CDKAL1: variants seen among roughly 807,000 people sequenced by gnomAD.
CDKAL1 encodes the protein CDKAL1 threonylcarbamoyladenosine tRNA methylthiotransferase.
In CDKAL1, 32 loss-of-function variants were observed where a neutral mutation model predicts 68.2. The observed-to-expected ratio is 0.47, with a 90% CI of 0.35 to 0.63. CDKAL1 has a LOEUF of 0.63. Among genes scored for constraint, CDKAL1 ranks in the 30% least tolerant of loss-of-function variants. CDKAL1 has a pLI of 0.00. For missense variants in CDKAL1, 606 were observed against 696.7 expected, an observed-to-expected ratio of 0.87 and a Z score of 1.47; for synonymous variants, 234 against 244.3, an observed-to-expected ratio of 0.96 and a Z score of 0.39.
intron 8 of CDKAL1, among the ~76,000 whole-genome samples, chr6:20,796,695 G>A (rs1031570374): frequency 1.3e-5 from 2 of 152,102 alleles, no homozygotes; most frequent in African/African-American, 4.8e-5. Flanking sequence ...TGCAAATATG[G>A]GCAGTTGATT....
chr6:21,228,143 C>G (rs961408720), intron 15 of CDKAL1, among the ~76,000 whole-genome samples: 3 of 152,212 alleles, frequency 2.0e-5, no homozygotes, highest in South Asian at 2.1e-4. Flanking sequence ...GCTCGTGTAG[C>G]CAGTTTCGGG....
chr6:20,647,317 A>T (rs1458412470), intron 4 of CDKAL1, among the ~76,000 whole-genome samples: 1 of 152,196 alleles, frequency 6.6e-6, no homozygotes, highest in African/African-American at 2.4e-5. Context: ...CTTGAAGCTC[A>T]TTTCTAACGA....
chr6:20,692,605 A>G (rs979122486), intron 5 of CDKAL1, among the ~76,000 whole-genome samples: 1 of 152,176 alleles, frequency 6.6e-6, no homozygotes, highest in Non-Finnish European at 1.5e-5. Context: ...AAGTGAAATC[A>G]TGGTAGAAAG....
chr6:20,874,245 T>C (rs73372071), intron 9 of CDKAL1, among the ~76,000 whole-genome samples: 1,947 of 152,258 alleles, frequency 0.013, 47 homozygotes, highest in African/African-American at 0.044. Context: ...CATTGGGGGC[T>C]ATTTATCCAT....
At chr6:20,565,270 G>T (rs532197851) in intron 4 of CDKAL1, among the ~76,000 whole-genome samples, 4 of 152,070 alleles carry the variant, frequency 2.6e-5, no homozygotes, top group Non-Finnish European at 5.9e-5. Context: ...AGAAGTCCAA[G>T]ATATAATAAT....
chr6:20,773,550 A>T (rs1489994686), intron 7 of CDKAL1, among the ~76,000 whole-genome samples: 3 of 151,774 alleles, frequency 2.0e-5, no homozygotes, highest in Non-Finnish European at 4.4e-5. Context: ...TTTATTTTTT[A>T]TTTTTATTTT....
In CDKAL1 at chr6:21,069,992, G is replaced by A. The variant is rs138091954; in HGVS notation, c.1236+4764G>A. On this transcript the variant is annotated intron_variant, in intron 12 of 15. Transcript: ENST00000274695. ...TTTTTAGTAGAGTCGAGGTTTCACC[G>A]TGTTAACCAGGATGGTCTCGATCTC... 7.5e-3 allele frequency among the ~76,000 whole-genome samples: 1,132 copies of A among 151,434 alleles called. 13 individuals are homozygous for A. Among genetic ancestry groups the A allele is most frequent in the African/African-American group, 0.024 (985 of 41,290 alleles).
intron 7 of CDKAL1, among the ~76,000 whole-genome samples, chr6:20,768,457 T>A (rs932460324): frequency 6.6e-6 from 1 of 152,222 alleles, no homozygotes; most frequent in African/African-American, 2.4e-5. Context: ...CCGATTTCTA[T>A]ATGCCAGATT....
intron 4 of CDKAL1, among the ~76,000 whole-genome samples, chr6:20,566,078 A>G (rs1764449449): frequency 6.6e-6 from 1 of 152,112 alleles, no homozygotes; most frequent in Non-Finnish European, 1.5e-5. Flanking sequence ...CTCCAACCCC[A>G]TACATACCCT....
intron 4 of CDKAL1, among the ~76,000 whole-genome samples, chr6:20,563,957 AG>A (rs1349731495): frequency 6.6e-6 from 1 of 152,192 alleles, no homozygotes; most frequent in African/African-American, 2.4e-5. Context: ...AGCAATTTTA[AG>A]CCAGCGATGG....
At chr6:20,567,968 C>T (rs903304018) in intron 4 of CDKAL1, among the ~76,000 whole-genome samples, 9 of 152,020 alleles carry the variant, frequency 5.9e-5, no homozygotes, top group African/African-American at 9.7e-5. Flanking sequence ...CTCCTCCTCC[C>T]GGGTTCACGC....
intron 8 of CDKAL1, among the ~76,000 whole-genome samples, chr6:20,811,134 C>T (rs1373637104): frequency 6.6e-6 from 1 of 152,146 alleles, no homozygotes; most frequent in Non-Finnish European, 1.5e-5. Context: ...ATTTTGACTG[C>T]CATGGACAAG....
rs1158727312 is a variant in CDKAL1, at chr6:20,845,101, G to C, written c.639-974G>C. Among the ~76,000 whole-genome samples the C allele has an allele frequency of 3.3e-5, 5 of 152,128 alleles. No individual in the cohort carries two copies. In the East Asian group the frequency reaches 7.7e-4, roughly 23 times the overall value. ...TACAGTGATTCATATGTATCTTAAAGTCACATATTCATAAAATTACACATG... is the reference window on the plus strand; with the variant it reads ...TACAGTGATTCATATGTATCTTAAACTCACATATTCATAAAATTACACATG... On this transcript the variant is annotated intron_variant, in intron 8 of 15. Coordinates refer to ENST00000274695, the MANE Select transcript of CDKAL1 (RefSeq NM_017774.3).
In CDKAL1 at chr6:20,931,153, T is replaced by A. The variant is rs577446329; in HGVS notation, c.743-24266T>A. Among the ~76,000 whole-genome samples the A allele has an allele frequency of 3.9e-4, 60 of 152,326 alleles. 1 individual carries two copies. Among genetic ancestry groups the A allele is most frequent in the African/African-American group, 1.3e-3 (54 of 41,580 alleles). On this transcript the variant is annotated intron_variant, in intron 9 of 15. Transcript: ENST00000274695. ...AACCAGAATTCTAACCCAGACTGAC[T>A]AAAGCTTAGCCTAACTGCATCACTG...
At chr6:21,192,031 T>TTTTTTTTTTTTC (rs1562104946) in intron 13 of CDKAL1, among the ~76,000 whole-genome samples, 2 of 116,102 alleles carry the variant, frequency 1.7e-5, no homozygotes, top group African/African-American at 7.0e-5. Flanking sequence ...TTTTTTTTTT[T>TTTTTTTTTTTTC]TGAGACGGAG....
intron 5 of CDKAL1, among the ~76,000 whole-genome samples, chr6:20,650,541 A>C (rs534099321): frequency 6.6e-6 from 1 of 152,056 alleles, no homozygotes; most frequent in Non-Finnish European, 1.5e-5. Context: ...TTCTTTTGCT[A>C]TGCAGAAGCT....
At chr6:21,152,532 C>G (rs1197765126) in intron 13 of CDKAL1, among the ~76,000 whole-genome samples, 5 of 152,210 alleles carry the variant, frequency 3.3e-5, no homozygotes, top group African/African-American at 1.2e-4. Context: ...AGCGAACATT[C>G]GTCCAGTCAA....
chr6:20,865,340 T>C (rs1340677313), intron 9 of CDKAL1, among the ~76,000 whole-genome samples: 1 of 152,176 alleles, frequency 6.6e-6, no homozygotes, highest in African/African-American at 2.4e-5. Context: ...TTGGATCATT[T>C]TGAGAGAAGC....
intron 9 of CDKAL1, among the ~76,000 whole-genome samples, chr6:20,910,624 T>C (rs150144943): frequency 6.6e-6 from 1 of 152,312 alleles, no homozygotes; most frequent in Non-Finnish European, 1.5e-5. Flanking sequence ...ATTTGCTGGC[T>C]TTTTTGATGG....
Sources: gnomAD v4.1 joint callset for allele counts (sites outside exome capture counted in the v4.1 genomes callset) on GRCh38, gnomAD v4.1.1 for gene constraint, MANE v1.5 for transcripts, NCBI Gene and HGNC (gene_info 2026-07-23, HGNC 2026-07-21) for gene names.